Variants in DYNC1I1 observed in about 807,000 individuals in gnomAD.
DYNC1I1 encodes the protein cytoplasmic dynein 1 intermediate chain 1.
In DYNC1I1, 43 loss-of-function variants were observed where a neutral mutation model predicts 86.6. That is an observed-to-expected ratio of 0.50 (90% confidence interval 0.39 to 0.64). DYNC1I1 has a LOEUF of 0.64. DYNC1I1 is among the 30% of genes least tolerant of loss of function. DYNC1I1 has a pLI of 0.00. For missense variants in DYNC1I1, 604 were observed against 788.8 expected (o/e 0.77, Z 2.81); for synonymous variants, 262 against 283.7 (o/e 0.92, Z 0.77).
intron 1 of DYNC1I1, 27 bp from the exon 2 acceptor site, chr7:95,804,694 T>C (rs1262699983): frequency 1.3e-6 from 2 of 1,545,402 alleles, no homozygotes; most frequent in Admixed American, 2.1e-5. Context: ...TATATATATG[T>C]TCACTTTTTT....
chr7:95,917,047 T>C (rs1791489246), intron 6 of DYNC1I1, among the ~76,000 whole-genome samples: 1 of 152,176 alleles, frequency 6.6e-6, no homozygotes, highest in Non-Finnish European at 1.5e-5. Flanking sequence ...GATTATCTAA[T>C]TTTTCCATCA....
Position 95,793,098 on chromosome 7 carries a change from T to C in DYNC1I1, c.-9-11623T>C, listed in dbSNP as rs903064610. ...TGGTGATAGAAAGCTCACCCTGATA[T>C]TGCGTGGAGGACGTATCATCAGGGC... On this transcript the variant is annotated intron_variant, in intron 1 of 16. Coordinates refer to ENST00000447467, the MANE Select transcript of DYNC1I1 (RefSeq NM_001135556.2). 9.9e-5 allele frequency among the ~76,000 whole-genome samples: 15 copies of C among 152,006 alleles called. 1 individual carries two copies. Among genetic ancestry groups the C allele is most frequent in the Non-Finnish European group, 1.5e-5 (1 of 68,004 alleles).
chr7:95,852,014 G>T (rs2116072507), intron 5 of DYNC1I1, among the ~76,000 whole-genome samples: 2 of 152,242 alleles, frequency 1.3e-5, no homozygotes, highest in East Asian at 3.9e-4. Flanking sequence ...TCAGGGTAAT[G>T]CTGGCTTCAT....
chr7:95,856,493 G>A (rs981783949), intron 5 of DYNC1I1, among the ~76,000 whole-genome samples: 2 of 151,952 alleles, frequency 1.3e-5, no homozygotes, highest in Non-Finnish European at 2.9e-5. Context: ...AAAACATTTT[G>A]GTGTTAAGGT....
chr7:95,832,655 G>A (rs1005386095), intron 5 of DYNC1I1, among the ~76,000 whole-genome samples: 64 of 152,114 alleles, frequency 4.2e-4, no homozygotes, highest in South Asian at 1.0e-3. Context: ...TTTAATGATT[G>A]CCATTCTAAC....
intron 6 of DYNC1I1, among the ~76,000 whole-genome samples, chr7:95,923,453 A>G (rs1411737087): frequency 1.3e-5 from 2 of 152,142 alleles, no homozygotes; most frequent in African/African-American, 4.8e-5. Flanking sequence ...CCAGTGACAA[A>G]GAACTTGTAT....
At chr7:95,954,352 C>T (rs576018665) in intron 6 of DYNC1I1, among the ~76,000 whole-genome samples, 27 of 151,760 alleles carry the variant, frequency 1.8e-4, no homozygotes, top group South Asian at 4.2e-4. Flanking sequence ...CCTCAGTTTA[C>T]GCTAGCCTCA....
chr7:95,985,813 A>T (rs567785357), intron 8 of DYNC1I1, among the ~76,000 whole-genome samples: 1 of 152,308 alleles, frequency 6.6e-6, no homozygotes, highest in Non-Finnish European at 1.5e-5. Flanking sequence ...CAGAGGCATG[A>T]AAACCAATTT....
intron 1 of DYNC1I1, among the ~76,000 whole-genome samples, chr7:95,802,384 C>T (rs180756479): frequency 1.2e-3 from 177 of 152,296 alleles, no homozygotes; most frequent in African/African-American, 4.1e-3. Flanking sequence ...TCCACATTCG[C>T]CTACCATTCC....
intron 16 of DYNC1I1, among the ~76,000 whole-genome samples, chr7:96,090,997 G>C (rs1241305337): frequency 2.0e-5 from 3 of 152,150 alleles, no homozygotes; most frequent in Non-Finnish European, 4.4e-5. Context: ...TGGTCGTTCA[G>C]TGGCTGTTTC....
At chr7:95,821,232 A>T (rs557073040) in intron 4 of DYNC1I1, among the ~76,000 whole-genome samples, 4 of 152,206 alleles carry the variant, frequency 2.6e-5, no homozygotes, top group Non-Finnish European at 4.4e-5. Flanking sequence ...AAGGAATATA[A>T]ATATTCTTCT....
At chr7:95,839,163 T>C (rs1167775936) in intron 5 of DYNC1I1, among the ~76,000 whole-genome samples, 1 of 151,838 alleles carries the variant, frequency 6.6e-6, no homozygotes, top group African/African-American at 2.4e-5. Flanking sequence ...CCCAAGTAGC[T>C]GGGACTATAG....
intron 4 of DYNC1I1, among the ~76,000 whole-genome samples, chr7:95,827,847 C>CATAG (rs1795235457): frequency 6.6e-6 from 1 of 152,026 alleles, no homozygotes; most frequent in East Asian, 1.9e-4. Context: ...GCCATAGCTC[C>CATAG]CGATATTAAA....
chr7:95,827,299 A>C (rs1795222127), intron 4 of DYNC1I1, among the ~76,000 whole-genome samples: 1 of 152,178 alleles, frequency 6.6e-6, no homozygotes, highest in African/African-American at 2.4e-5. Context: ...CAGGATATTT[A>C]AAGAGCCTGG....
At chr7:95,813,194 A>G (rs762887221) in intron 3 of DYNC1I1, 53 bp from the exon 4 acceptor site, 19 of 1,610,124 alleles carry the variant, frequency 1.2e-5, no homozygotes, top group Middle Eastern at 1.7e-4. Flanking sequence ...GCTCTTCACC[A>G]GTGCAGCCGC....
chr7:95,927,728 A>T lies in DYNC1I1; in HGVS notation c.491-49784A>T, dbSNP rs1001656712. On this transcript the variant is annotated intron_variant, in intron 6 of 16. Coordinates refer to ENST00000447467, the MANE Select transcript of DYNC1I1 (RefSeq NM_001135556.2). Reference sequence around the variant, plus strand: ...ATACTATTTTTATTTTTGCAATCTAACCGTTAGTTTGAAATCATTTCCCAG... The same window carrying T: ...ATACTATTTTTATTTTTGCAATCTATCCGTTAGTTTGAAATCATTTCCCAG... Among the ~76,000 whole-genome samples, 13 of 152,160 alleles carry T rather than the reference A, an allele frequency of 8.5e-5. 1 individual carries two copies. Among genetic ancestry groups the T allele is most frequent in the African/African-American group, 1.7e-4 (7 of 41,444 alleles).
chr7:96,012,343 T>C (rs1354405338), intron 10 of DYNC1I1, among the ~76,000 whole-genome samples: 1 of 152,190 alleles, frequency 6.6e-6, no homozygotes, highest in South Asian at 2.1e-4. Flanking sequence ...TGTCTGAAGA[T>C]TACCATCCTT....
chr7:95,854,766 C>T (rs1289708106), intron 5 of DYNC1I1, among the ~76,000 whole-genome samples: 1 of 152,112 alleles, frequency 6.6e-6, no homozygotes, highest in African/African-American at 2.4e-5. Context: ...AGAATAGATT[C>T]AGAGCAACTT....
At position 96,022,281 on chromosome 7, in the gene DYNC1I1, A is replaced by T. The variant is rs7809825; in HGVS notation, c.970-5894A>T. ...CATAAAAGCCAGGACAAGGCACGTGATAGGGTCTAAATACTGAAAGCCATG... is the reference window on the plus strand; with the variant it reads ...CATAAAAGCCAGGACAAGGCACGTGTTAGGGTCTAAATACTGAAAGCCATG... On this transcript the variant is annotated intron_variant, in intron 10 of 16. Transcript: ENST00000447467. Among the ~76,000 whole-genome samples, 714 of 152,320 alleles carry T rather than the reference A, an allele frequency of 4.7e-3. 6 individuals carry two copies. The highest frequency in any genetic ancestry group is 0.016 in the African/African-American group (682 of 41,570).
Sources: gnomAD v4.1 joint callset for allele counts (sites outside exome capture counted in the v4.1 genomes callset) on GRCh38, gnomAD v4.1.1 for gene constraint, MANE v1.5 for transcripts, NCBI Gene and HGNC (gene_info 2026-07-23, HGNC 2026-07-21) for gene names.